CLVS1: variants seen among roughly 807,000 people sequenced by gnomAD.
CLVS1 encodes clavesin 1.
CLVS1 carries 10 observed loss-of-function variants against 33.1 expected under a neutral mutation model. The observed-to-expected ratio is 0.30, with a 90% CI of 0.19 to 0.51. The LOEUF is 0.51. Among genes scored for constraint, CLVS1 ranks in the 20% least tolerant of loss-of-function variants. CLVS1 has a pLI of 0.97. For synonymous variants in CLVS1, 163 were observed against 166.1 expected, an observed-to-expected ratio of 0.98 and a Z score of 0.14; for missense variants, 343 against 433.4, an observed-to-expected ratio of 0.79 and a Z score of 1.85.
At chr8:61,464,539 A>G (rs1228040387) in intron 5 of CLVS1, 1 of 152,234 alleles carries the variant, frequency 6.6e-6, no homozygotes, top group Non-Finnish European at 1.5e-5. Flanking sequence ...AAGGAGGAGC[A>G]AGATGCTGCT....
intron 1 of CLVS1, among the ~76,000 whole-genome samples, chr8:61,119,372 A>T (rs1303365575): frequency 3.3e-5 from 5 of 150,686 alleles, no homozygotes; most frequent in Non-Finnish European, 7.4e-5. Context: ...GTCCATTTAC[A>T]TTTAAAGTTA....
At chr8:61,415,819 A>G (rs1815407309) in intron 3 of CLVS1, among the ~76,000 whole-genome samples, 1 of 152,244 alleles carries the variant, frequency 6.6e-6, no homozygotes, top group Admixed American at 6.5e-5. Flanking sequence ...AATGGTGCAC[A>G]AGATGATCCA....
chr8:61,116,977 A>T (rs914766338), intron 1 of CLVS1, among the ~76,000 whole-genome samples: 5 of 144,840 alleles, frequency 3.5e-5, no homozygotes, highest in Middle Eastern at 3.5e-3. Flanking sequence ...GGCCATTTTC[A>T]CAATATTGAT....
chr8:61,164,013 C>T (rs185594485), intron 2 of CLVS1, among the ~76,000 whole-genome samples: 4 of 152,316 alleles, frequency 2.6e-5, no homozygotes, highest in Admixed American at 6.5e-5. Flanking sequence ...TGCCCACTCC[C>T]GGCTCGAATG....
At chr8:61,244,643 A>T (rs1808770428) in intron 2 of CLVS1, among the ~76,000 whole-genome samples, 1 of 152,216 alleles carries the variant, frequency 6.6e-6, no homozygotes, top group African/African-American at 2.4e-5. Flanking sequence ...CACTTTAATT[A>T]GTGATAATGC....
the CLVS1 span, among the ~76,000 whole-genome samples, chr8:61,003,067 T>C: frequency 2.6e-5 from 4 of 152,092 alleles, no homozygotes; most frequent in East Asian, 7.7e-4. Flanking sequence ...GGCAGACAGA[T>C]AGGTAGATAG....
In CLVS1 at chr8:61,389,797, G is replaced by A. The variant is rs7829268; in HGVS notation, c.630+13018G>A. On this transcript the variant is annotated intron_variant, in intron 3 of 5. Coordinates refer to ENST00000325897, the MANE Select transcript of CLVS1 (RefSeq NM_173519.3). ...GAAGTGCATAAAATATTAGAGAGAT[G>A]TTCATCTAAAGTAGCTATAATATGG... Among the ~76,000 whole-genome samples, 1,313 of 152,230 alleles carry A rather than the reference G, an allele frequency of 8.6e-3. 19 individuals carry two copies. The highest frequency in any genetic ancestry group is 0.03 in the African/African-American group (1,226 of 41,546).
intron 2 of CLVS1, among the ~76,000 whole-genome samples, chr8:61,262,041 G>T (rs578083853): frequency 6.8e-6 from 1 of 146,596 alleles, no homozygotes; most frequent in Non-Finnish European, 1.5e-5. Flanking sequence ...TTGGAGACAG[G>T]GTCTTCTTCT....
chr8:61,223,378 G>A (rs1184038067), intron 2 of CLVS1, among the ~76,000 whole-genome samples: 1 of 152,128 alleles, frequency 6.6e-6, no homozygotes, highest in Non-Finnish European at 1.5e-5. Flanking sequence ...GCCTGGTGGT[G>A]ATGAAATCTC....
intron 1 of CLVS1, among the ~76,000 whole-genome samples, chr8:61,108,834 G>T (rs554418802): frequency 1.3e-5 from 2 of 152,318 alleles, no homozygotes; most frequent in African/African-American, 4.8e-5. Context: ...GCCCCACTGA[G>T]TCAGGGGCCT....
chr8:61,281,961 T>G (rs545998525), intron 2 of CLVS1, among the ~76,000 whole-genome samples: 4 of 152,342 alleles, frequency 2.6e-5, no homozygotes, highest in Non-Finnish European at 5.9e-5. Context: ...TGAAGTTCTG[T>G]ACACCTTTTG....
At chr8:61,328,463 G>A (rs1441005842) in intron 2 of CLVS1, among the ~76,000 whole-genome samples, 1 of 152,114 alleles carries the variant, frequency 6.6e-6, no homozygotes, top group Non-Finnish European at 1.5e-5. Flanking sequence ...TGGTCAAGGT[G>A]GGCAGGCTGC....
At chr8:61,032,276 T>G in the CLVS1 span, among the ~76,000 whole-genome samples, 1 of 151,848 alleles carries the variant, frequency 6.6e-6, no homozygotes, top group Non-Finnish European at 1.5e-5. Flanking sequence ...CAGAGCTGAG[T>G]CTTGTGTTAA....
intron 3 of CLVS1, among the ~76,000 whole-genome samples, chr8:61,380,023 A>G (rs1010417227): frequency 5.9e-5 from 9 of 152,182 alleles, no homozygotes; most frequent in African/African-American, 2.2e-4. Context: ...CATCTGTAAT[A>G]AGCAAAAGAT....
At chr8:61,463,671 A>G (rs1298170459) in intron 5 of CLVS1, among the ~76,000 whole-genome samples, 1 of 152,220 alleles carries the variant, frequency 6.6e-6, no homozygotes, top group Non-Finnish European at 1.5e-5. Context: ...TCAATTAAGT[A>G]TATTGTCTTA....
chr8:61,153,637 A>G (rs1185978627), intron 2 of CLVS1, among the ~76,000 whole-genome samples: 1 of 152,214 alleles, frequency 6.6e-6, no homozygotes, highest in Non-Finnish European at 1.5e-5. Context: ...ACTGGGACCC[A>G]GCACAGCCCA....
intron 2 of CLVS1, among the ~76,000 whole-genome samples, chr8:61,205,640 G>C (rs991621275): frequency 1.3e-5 from 2 of 152,106 alleles, no homozygotes; most frequent in Non-Finnish European, 2.9e-5. Context: ...TGGACTTGCT[G>C]AATCATATGG....
At chr8:61,007,455 A>T in the CLVS1 span, among the ~76,000 whole-genome samples, 2 of 152,348 alleles carry the variant, frequency 1.3e-5, no homozygotes, top group Non-Finnish European at 2.9e-5. Context: ...GTTGCACTAA[A>T]GTCACTATCG....
intron 5 of CLVS1, among the ~76,000 whole-genome samples, chr8:61,462,944 GA>G (rs1817418802): frequency 6.6e-6 from 1 of 152,152 alleles, no homozygotes; most frequent in South Asian, 2.1e-4. Flanking sequence ...CTCTAGTTAT[GA>G]AAGTCCTAGA....
Sources: allele counts gnomAD v4.1 joint callset (sites outside exome capture counted in the v4.1 genomes callset), GRCh38; gene constraint gnomAD v4.1.1; transcripts MANE v1.5; gene names NCBI Gene and HGNC (gene_info 2026-07-23, HGNC 2026-07-21).